Variants in KCNH7 observed in about 807,000 individuals in gnomAD.
KCNH7 encodes the protein voltage-gated inwardly rectifying potassium channel KCNH7.
KCNH7 carries 49 observed loss-of-function variants against 120.8 expected under a neutral mutation model. The ratio of observed to expected loss-of-function variants is 0.41; its 90% CI spans 0.32 to 0.51. The LOEUF is 0.51. Among genes scored for constraint, KCNH7 ranks in the 20% least tolerant of loss-of-function variants. The pLI, the probability that KCNH7 is intolerant of heterozygous loss-of-function variation, is 0.38. For missense variants in KCNH7, 1,097 were observed against 1,446.6 expected, an observed-to-expected ratio of 0.76 and a Z score of 3.92; for synonymous variants, 547 against 516.1, an observed-to-expected ratio of 1.06 and a Z score of -0.81.
chr2:162,400,530 G>A, intron 9 of KCNH7, 89 bp from the exon 10 acceptor site: 1 of 1,350,802 alleles, frequency 7.4e-7, no homozygotes, highest in Non-Finnish European at 1.0e-6. Flanking sequence ...CAGAACTGCA[G>A]GTGTAGTCAT....
chr2:162,522,319 A>G (rs776914559), intron 3 of KCNH7, among the ~76,000 whole-genome samples: 23 of 151,872 alleles, frequency 1.5e-4, no homozygotes, highest in Non-Finnish European at 2.5e-4. Flanking sequence ...TCCTCCTTTA[A>G]AAAACAATTC....
At chr2:162,468,983 T>TAGG (rs923924692) in intron 6 of KCNH7, among the ~76,000 whole-genome samples, 1 of 152,148 alleles carries the variant, frequency 6.6e-6, no homozygotes, top group Admixed American at 6.5e-5. Context: ...CCCAAGTAGC[T>TAGG]AGGACTACAG....
At chr2:162,449,511 G>C (rs1435387993) in intron 6 of KCNH7, among the ~76,000 whole-genome samples, 2 of 151,990 alleles carry the variant, frequency 1.3e-5, no homozygotes. Flanking sequence ...ATCAAGTTAA[G>C]ATGAGGTCAC....
At chr2:162,768,746 T>C (rs1377257575) in intron 2 of KCNH7, among the ~76,000 whole-genome samples, 1 of 151,912 alleles carries the variant, frequency 6.6e-6, no homozygotes, top group Non-Finnish European at 1.5e-5. Flanking sequence ...AAAGTGTGAA[T>C]GCAGGCTGTA....
intron 2 of KCNH7, among the ~76,000 whole-genome samples, chr2:162,830,102 T>C (rs901124999): frequency 6.6e-6 from 1 of 152,166 alleles, no homozygotes; most frequent in Admixed American, 6.6e-5. Context: ...GAGACAGAAG[T>C]GCAGATAGTG....
At chr2:162,388,763 AACTG>A (rs1440573391) in intron 12 of KCNH7, among the ~76,000 whole-genome samples, 1 of 151,966 alleles carries the variant, frequency 6.6e-6, no homozygotes, top group Non-Finnish European at 1.5e-5. Context: ...ACACTTTTAA[AACTG>A]ACTGGCTTTT....
At position 162,537,077 on chromosome 2, in the gene KCNH7, G is replaced by A; in HGVS notation, c.311C>T (p.Ser104Phe). Reference protein sequence around the residue: ...VEVTYYHKNGSTFICNTHIIP... With the variant: ...VEVTYYHKNGFTFICNTHIIP... Reference sequence around the variant, plus strand: ...TATGTGAGTGTTACAAATAAAAGTGGACCCTAAGGAGATTAAAAATGAATG... The same window carrying A: ...TATGTGAGTGTTACAAATAAAAGTGAACCCTAAGGAGATTAAAAATGAATG... The change falls in exon 3 of 16, where the codon TCC (serine) becomes TTC (phenylalanine). Residue 104 changes from serine (S) to phenylalanine (F), a missense_variant. Transcript: ENST00000332142. The A allele has an allele frequency of 6.2e-7, 1 of 1,600,206 alleles. No homozygotes were observed. The highest frequency in any genetic ancestry group is 8.5e-7 in the Non-Finnish European group (1 of 1,170,600).
At chr2:162,807,442 A>G (rs1185605020) in intron 2 of KCNH7, among the ~76,000 whole-genome samples, 3 of 151,930 alleles carry the variant, frequency 2.0e-5, no homozygotes, top group Non-Finnish European at 4.4e-5. Flanking sequence ...GTCTCAAAAA[A>G]CAAGAAAACA....
chr2:162,734,888 T>C (rs1428020933), intron 2 of KCNH7, among the ~76,000 whole-genome samples: 9 of 152,124 alleles, frequency 5.9e-5, no homozygotes, highest in African/African-American at 2.2e-4. Flanking sequence ...AGGAAAGGAA[T>C]CACAAATGAA....
chr2:162,714,024 A>G (rs1239244813), intron 2 of KCNH7, among the ~76,000 whole-genome samples: 1 of 152,236 alleles, frequency 6.6e-6, no homozygotes, highest in Non-Finnish European at 1.5e-5. Context: ...CTGGGATTAC[A>G]GGCATGAGCC....
chr2:162,539,652 T>A (rs543064563), intron 2 of KCNH7, among the ~76,000 whole-genome samples: 1 of 152,198 alleles, frequency 6.6e-6, no homozygotes, highest in East Asian at 1.9e-4. Flanking sequence ...AGTTCAGCTA[T>A]CTGCATTGGC....
At chr2:162,716,165 T>C (rs538632732) in intron 2 of KCNH7, among the ~76,000 whole-genome samples, 2 of 152,174 alleles carry the variant, frequency 1.3e-5, no homozygotes, top group South Asian at 4.1e-4. Context: ...TTTTCTATGA[T>C]ATTATCTTAC....
chr2:162,548,219 T>C (rs1395484404), intron 2 of KCNH7, among the ~76,000 whole-genome samples: 1 of 152,170 alleles, frequency 6.6e-6, no homozygotes, highest in Admixed American at 6.5e-5. Flanking sequence ...TGTCCAGCTT[T>C]AGTGGGGAAC....
intron 12 of KCNH7, 22 bp downstream of exon 12, chr2:162,394,367 C>G (rs1435547096): frequency 7.5e-7 from 1 of 1,330,528 alleles, no homozygotes; most frequent in African/African-American, 1.4e-5. Context: ...TACATTTAAA[C>G]TTTAGGAATG....
At chr2:162,655,634 A>C (rs959659968) in intron 2 of KCNH7, among the ~76,000 whole-genome samples, 2 of 99,384 alleles carry the variant, frequency 2.0e-5, no homozygotes, top group South Asian at 5.9e-4. Flanking sequence ...AAAATAAAGA[A>C]AAAAAAAAAT....
chr2:162,683,567 AAG>A (rs1339605785), intron 2 of KCNH7, among the ~76,000 whole-genome samples: 1 of 151,942 alleles, frequency 6.6e-6, no homozygotes, highest in Non-Finnish European at 1.5e-5. Context: ...CATTTCTAAT[AAG>A]AGACATTGGG....
intron 2 of KCNH7, among the ~76,000 whole-genome samples, chr2:162,586,885 C>CT (rs1166045317): frequency 1.3e-5 from 2 of 151,548 alleles, no homozygotes; most frequent in Admixed American, 1.3e-4. Flanking sequence ...CATACTATAC[C>CT]TTTTTTGCAT....
chr2:162,742,577 T>G (rs1013879708), intron 2 of KCNH7, among the ~76,000 whole-genome samples: 1 of 152,212 alleles, frequency 6.6e-6, no homozygotes, highest in African/African-American at 2.4e-5. Flanking sequence ...TTAAAAATAT[T>G]TATTCAGAGA....
chr2:162,558,503 C>CTTTTTTTTTTTT (rs71410015), intron 2 of KCNH7, among the ~76,000 whole-genome samples: 1 of 80,696 alleles, frequency 1.2e-5, no homozygotes, highest in African/African-American at 4.9e-5. Flanking sequence ...TTCTCAATGG[C>CTTTTTTTTTTTT]TTTTTTTTTT....
Sources: gnomAD v4.1 joint callset for allele counts (sites outside exome capture counted in the v4.1 genomes callset) on GRCh38, gnomAD v4.1.1 for gene constraint, MANE v1.5 for transcripts, NCBI Gene and HGNC (gene_info 2026-07-23, HGNC 2026-07-21) for gene names.